ACER3: variants seen among roughly 807,000 people sequenced by gnomAD.
The protein encoded by ACER3 is alkCDase 3.
Under a neutral mutation model 48.9 loss-of-function variants are expected in ACER3, and 16 were observed. The observed-to-expected ratio is 0.33, with a 90% CI of 0.22 to 0.50. ACER3 has a LOEUF of 0.50. Among genes scored for constraint, ACER3 ranks in the 20% least tolerant of loss-of-function variants. The pLI is 0.98. For synonymous variants in ACER3, 109 were observed against 107.8 expected (o/e 1.01, Z -0.07); for missense variants, 227 against 326.0 (o/e 0.70, Z 2.34).
chr11:76,937,005 C>T (rs1434050456), intron 2 of ACER3, among the ~76,000 whole-genome samples: 1 of 152,146 alleles, frequency 6.6e-6, no homozygotes, highest in Non-Finnish European at 1.5e-5. Flanking sequence ...GCATGAGCCA[C>T]TGTGCCCGGC....
chr11:76,950,358 T>C (rs1399451313), intron 2 of ACER3, among the ~76,000 whole-genome samples: 5 of 9,384 alleles, frequency 5.3e-4, no homozygotes, highest in Non-Finnish European at 1.3e-3. Flanking sequence ...TGATCATATA[T>C]ATATATATAT....
At chr11:76,917,543 G>A (rs562560989) in intron 1 of ACER3, among the ~76,000 whole-genome samples, 3 of 151,506 alleles carry the variant, frequency 2.0e-5, no homozygotes, top group East Asian at 1.9e-4. Context: ...AGAAGACCTC[G>A]TCAGTACAAA....
rs1224683905 is a variant in ACER3, at chr11:77,024,928, T to C, written c.*4601T>C. 6.6e-6 allele frequency: 1 copy of C among 152,202 alleles called. No homozygotes were observed. Among genetic ancestry groups the C allele is most frequent in the East Asian group, 1.9e-4 (1 of 5,194 alleles). 9.4% of individuals were successfully genotyped at this position (152,202 alleles called of 1,614,324 possible). On this transcript the variant is annotated 3_prime_UTR_variant, in exon 11 of 11. Transcript: ENST00000532485. ...CAAGTGACCTAAAATTCCCCTACTC[T>C]AGCTCAGCAGCCATCAGTCAGTATA... is the stretch of plus-strand genomic sequence containing the variant.
intron 1 of ACER3, among the ~76,000 whole-genome samples, chr11:76,887,644 T>C (rs1386126297): frequency 6.6e-6 from 1 of 152,118 alleles, no homozygotes; most frequent in Non-Finnish European, 1.5e-5. Context: ...TGATTTTGTA[T>C]TTCAAACCTT....
intron 1 of ACER3, among the ~76,000 whole-genome samples, chr11:76,896,801 T>C (rs770556336): frequency 3.3e-5 from 5 of 152,208 alleles, no homozygotes; most frequent in Non-Finnish European, 7.3e-5. Context: ...ATTTTTTTTC[T>C]ATTGAAGTCA....
rs1171350591 is a variant in ACER3, at chr11:77,026,305, C to A, written c.*5978C>A. The A allele has an allele frequency of 6.6e-6, 1 of 152,046 alleles. No homozygotes were observed. The highest frequency in any genetic ancestry group is 2.4e-5 in the African/African-American group (1 of 41,380). 9.4% of individuals were successfully genotyped at this position (152,046 alleles called of 1,614,324 possible). The stretch of plus-strand genomic sequence containing the variant: ...AAAAGGAAAAGTTCAAAGTCCTTTC[C>A]ACAGTTAGTCTTCGCTTCTTTTGGA... On this transcript the variant is annotated 3_prime_UTR_variant, in exon 11 of 11. Coordinates refer to ENST00000532485, the MANE Select transcript of ACER3 (RefSeq NM_018367.7).
At chr11:76,938,995 A>G (rs1174240946) in intron 2 of ACER3, among the ~76,000 whole-genome samples, 3 of 151,914 alleles carry the variant, frequency 2.0e-5, no homozygotes, top group East Asian at 1.9e-4. Context: ...AATCATGTCA[A>G]AGTAACACAG....
intron 4 of ACER3, among the ~76,000 whole-genome samples, chr11:76,978,208 C>T (rs907867325): frequency 1.3e-5 from 2 of 152,180 alleles, no homozygotes; most frequent in Admixed American, 6.5e-5. Flanking sequence ...ACCTTCAAGC[C>T]GGGGACAGCC....
In ACER3 at chr11:76,908,142, A is replaced by G. The variant is rs1315116492; in HGVS notation, c.104-18415A>G. Among the ~76,000 whole-genome samples the G allele has an allele frequency of 4.1e-4, 62 of 152,060 alleles. 1 individual carries two copies. The highest frequency in any genetic ancestry group is 5.9e-5 in the Non-Finnish European group (4 of 68,006). ...TCCCAGCTACTTGGGAGGCTGAGGT[A>G]GGAGAATCACTTGAACCTGGGAGGT... On this transcript the variant is annotated intron_variant, in intron 1 of 10. Coordinates refer to ENST00000532485, the MANE Select transcript of ACER3 (RefSeq NM_018367.7).
At chr11:76,909,666 TTGG>T (rs1359559745) in intron 1 of ACER3, among the ~76,000 whole-genome samples, 2 of 152,176 alleles carry the variant, frequency 1.3e-5, no homozygotes, top group Admixed American at 6.5e-5. Flanking sequence ...TTTTACACTG[TTGG>T]TGGGAGTGTA....
intron 1 of ACER3, among the ~76,000 whole-genome samples, chr11:76,869,917 A>G (rs1031049069): frequency 5.3e-5 from 8 of 152,194 alleles, no homozygotes; most frequent in African/African-American, 1.9e-4. Flanking sequence ...GCTGGAGTGC[A>G]GTGGCGTGAT....
chr11:76,869,396 T>G (rs1945184207), intron 1 of ACER3, among the ~76,000 whole-genome samples: 1 of 152,364 alleles, frequency 6.6e-6, no homozygotes, highest in Non-Finnish European at 1.5e-5. Context: ...ATTACAAACT[T>G]AAAACATAGA....
At chr11:76,863,676 A>T (rs1255259565) in intron 1 of ACER3, among the ~76,000 whole-genome samples, 1 of 152,238 alleles carries the variant, frequency 6.6e-6, no homozygotes, top group African/African-American at 2.4e-5. Context: ...AATATTAAGG[A>T]TAATGTAATA....
chr11:76,911,040 T>C (rs978389326), intron 1 of ACER3, among the ~76,000 whole-genome samples: 2 of 152,192 alleles, frequency 1.3e-5, no homozygotes, highest in Non-Finnish European at 2.9e-5. Context: ...CTGCTACTGT[T>C]ACCCAATCCA....
At chr11:76,877,672 GAA>G (rs1391993474) in intron 1 of ACER3, among the ~76,000 whole-genome samples, 1 of 152,094 alleles carries the variant, frequency 6.6e-6, no homozygotes, top group Non-Finnish European at 1.5e-5. Flanking sequence ...CAAATGAAGA[GAA>G]TTATGACCTT....
At chr11:76,938,515 C>A (rs972900524) in intron 2 of ACER3, among the ~76,000 whole-genome samples, 6 of 152,014 alleles carry the variant, frequency 3.9e-5, no homozygotes, top group Admixed American at 1.3e-4. Context: ...AAACAGGTCT[C>A]CCTATGTTGC....
chr11:76,966,716 A>T (rs919040071), intron 3 of ACER3, among the ~76,000 whole-genome samples: 7 of 150,510 alleles, frequency 4.7e-5, no homozygotes, highest in African/African-American at 1.7e-4. Context: ...TACTGGGTAC[A>T]TAACGAAATG....
At chr11:76,927,813 G>T (rs967411178) in intron 2 of ACER3, among the ~76,000 whole-genome samples, 1 of 152,090 alleles carries the variant, frequency 6.6e-6, no homozygotes, top group Non-Finnish European at 1.5e-5. Flanking sequence ...TGGCTGCATA[G>T]TATTCCCTTG....
intron 1 of ACER3, among the ~76,000 whole-genome samples, chr11:76,911,804 T>G (rs1240457000): frequency 6.6e-6 from 1 of 152,216 alleles, no homozygotes; most frequent in Non-Finnish European, 1.5e-5. Flanking sequence ...ATTTGAGTCC[T>G]AATTCTGATT....
Sources: gnomAD v4.1 joint callset for allele counts (sites outside exome capture counted in the v4.1 genomes callset) on GRCh38, gnomAD v4.1.1 for gene constraint, MANE v1.5 for transcripts, NCBI Gene and HGNC (gene_info 2026-07-23, HGNC 2026-07-21) for gene names.